Variants in SENP6 observed in about 807,000 individuals in gnomAD.
The protein encoded by SENP6 is SUMO specific peptidase 6, also known as sentrin-specific protease 6.
SENP6 carries 41 observed loss-of-function variants against 134.5 expected under a neutral mutation model. That is an observed-to-expected ratio of 0.30 (90% CI 0.24 to 0.40). SENP6 has a LOEUF of 0.40. Among genes scored for constraint, SENP6 ranks in the 10% least tolerant of loss-of-function variants. The probability of loss-of-function intolerance (pLI) is 1.00; values close to 1 mark genes in which losing one functional copy is unlikely to be tolerated. For synonymous variants in SENP6, 395 were observed against 429.8 expected (o/e 0.92, Z 1.00); for missense variants, 1,248 against 1,312.5 (o/e 0.95, Z 0.76).
At chr6:75,660,235 A>G (rs1359512061) in intron 8 of SENP6, among the ~76,000 whole-genome samples, 2 of 152,204 alleles carry the variant, frequency 1.3e-5, no homozygotes, top group East Asian at 1.9e-4. Flanking sequence ...ATCTTACTGC[A>G]TTACATCAGG....
At chr6:75,605,125 G>C (rs1189704860) in intron 1 of SENP6, among the ~76,000 whole-genome samples, 1 of 152,114 alleles carries the variant, frequency 6.6e-6, no homozygotes, top group Non-Finnish European at 1.5e-5. Context: ...GTATTACCAG[G>C]TTTATAAGTG....
At chr6:75,604,446 A>G (rs1199141548) in intron 1 of SENP6, among the ~76,000 whole-genome samples, 1 of 152,202 alleles carries the variant, frequency 6.6e-6, no homozygotes, top group Non-Finnish European at 1.5e-5. Flanking sequence ...AGCCTGGCCA[A>G]CATGGCGAAA....
At chr6:75,676,149 C>G (rs1262193270) in intron 13 of SENP6, 95 bp downstream of exon 13, 2 of 724,156 alleles carry the variant, frequency 2.8e-6, no homozygotes, top group Non-Finnish European at 4.2e-6. Flanking sequence ...TTGACAGATG[C>G]CTTAGGTGTA....
chr6:75,693,192 G>T (rs1180738703), intron 16 of SENP6, among the ~76,000 whole-genome samples: 1 of 151,980 alleles, frequency 6.6e-6, no homozygotes, highest in Non-Finnish European at 1.5e-5. Flanking sequence ...TTGAGGAATG[G>T]AGTTCGAGAC....
chr6:75,639,186 A>G (rs1029022443), intron 5 of SENP6, among the ~76,000 whole-genome samples: 36 of 152,218 alleles, frequency 2.4e-4, no homozygotes, highest in African/African-American at 8.7e-4. Flanking sequence ...ATGCAGCTAT[A>G]TAAGAAATAA....
chr6:75,713,635 T>C, intron 22 of SENP6, 40 bp from the exon 23 acceptor site: 1 of 1,590,894 alleles, frequency 6.3e-7, no homozygotes, highest in South Asian at 1.1e-5. Flanking sequence ...TATGTATATT[T>C]ATATATGTGT....
At chr6:75,658,511 A>G (rs1227153041) in intron 7 of SENP6, among the ~76,000 whole-genome samples, 2 of 152,098 alleles carry the variant, frequency 1.3e-5, no homozygotes, top group African/African-American at 2.4e-5. Context: ...TCCTTTGCTG[A>G]TAAAGTCAGA....
At chr6:75,604,141 A>G (rs1766843954) in intron 1 of SENP6, among the ~76,000 whole-genome samples, 1 of 152,198 alleles carries the variant, frequency 6.6e-6, no homozygotes, top group Non-Finnish European at 1.5e-5. Context: ...TAAAATTCTA[A>G]TTGGATGAAC....
intron 1 of SENP6, among the ~76,000 whole-genome samples, chr6:75,606,147 A>G (rs990959903): frequency 3.3e-5 from 5 of 152,206 alleles, no homozygotes; most frequent in African/African-American, 1.2e-4. Flanking sequence ...CCTGTTTGAC[A>G]TTTTTGCTCT....
At chr6:75,685,159 T>C (rs1773739247) in intron 16 of SENP6, among the ~76,000 whole-genome samples, 1 of 152,142 alleles carries the variant, frequency 6.6e-6, no homozygotes, top group Non-Finnish European at 1.5e-5. Flanking sequence ...TTATCCATTT[T>C]TTCTAGATTT....
chr6:75,714,369 G>C lies in SENP6; in HGVS notation c.3129+544G>C, dbSNP rs981928280. 5.9e-5 allele frequency among the ~76,000 whole-genome samples: 9 copies of C among 152,042 alleles called. No homozygotes were observed. The East Asian group carries it at 1.7e-3, about 29-fold the overall frequency. Reference sequence around the variant, plus strand: ...CTTGGATATTCTTTACTCTGATCTTGGCTCCTATCTTCATCCACCATACAG... The same window carrying C: ...CTTGGATATTCTTTACTCTGATCTTCGCTCCTATCTTCATCCACCATACAG... On this transcript the variant is annotated intron_variant, in intron 23 of 23. Coordinates refer to ENST00000447266, the MANE Select transcript of SENP6 (RefSeq NM_015571.4).
chr6:75,712,298 T>A (rs1775793791), intron 21 of SENP6, among the ~76,000 whole-genome samples: 1 of 152,140 alleles, frequency 6.6e-6, no homozygotes, highest in Admixed American at 6.6e-5. Flanking sequence ...TAAGAGACTT[T>A]GAAAATGCAG....
intron 16 of SENP6, among the ~76,000 whole-genome samples, chr6:75,682,552 C>A (rs1773538689): frequency 6.6e-6 from 1 of 152,088 alleles, no homozygotes; most frequent in Admixed American, 6.5e-5. Flanking sequence ...CTATCCCTCC[C>A]CCAGCCCTCC....
At chr6:75,650,753 T>C (rs1437879591) in intron 7 of SENP6, among the ~76,000 whole-genome samples, 3 of 152,204 alleles carry the variant, frequency 2.0e-5, no homozygotes, top group African/African-American at 7.2e-5. Flanking sequence ...ATAATAATAC[T>C]GTATATATTG....
intron 1 of SENP6, among the ~76,000 whole-genome samples, chr6:75,609,218 A>T (rs1047941228): frequency 6.6e-6 from 1 of 152,080 alleles, no homozygotes; most frequent in Non-Finnish European, 1.5e-5. Flanking sequence ...CTTCCTCATC[A>T]CTTTGCTTCC....
At chr6:75,701,589 GAA>G (rs35990906) in intron 18 of SENP6, among the ~76,000 whole-genome samples, 1 of 147,136 alleles carries the variant, frequency 6.8e-6, no homozygotes, top group Non-Finnish European at 1.5e-5. Flanking sequence ...TTAGAATGTT[GAA>G]AAAATCATAT....
intron 1 of SENP6, among the ~76,000 whole-genome samples, chr6:75,617,137 A>T (rs932649029): frequency 2.6e-5 from 4 of 151,522 alleles, no homozygotes; most frequent in African/African-American, 9.7e-5. Context: ...CTTCAGCCTC[A>T]CAAAATGCTT....
chr6:75,708,843 G>A (rs1215965453), intron 19 of SENP6, among the ~76,000 whole-genome samples: 1 of 152,098 alleles, frequency 6.6e-6, no homozygotes, highest in Non-Finnish European at 1.5e-5. Flanking sequence ...GCAGTGAGCC[G>A]AGATTGTGCC....
chr6:75,693,507 G>A (rs768374855), intron 16 of SENP6, among the ~76,000 whole-genome samples: 1 of 151,752 alleles, frequency 6.6e-6, no homozygotes, highest in East Asian at 1.9e-4. Flanking sequence ...TGGACTGATA[G>A]CTATTTATCT....
Sources: allele counts gnomAD v4.1 joint callset (sites outside exome capture counted in the v4.1 genomes callset), GRCh38; gene constraint gnomAD v4.1.1; transcripts MANE v1.5; gene names NCBI Gene and HGNC (gene_info 2026-07-23, HGNC 2026-07-21).